The following EFNA5 variants were observed in gnomAD, a reference collection of about 807,000 sequenced individuals.
EFNA5 encodes the protein ephrin A5.
Under a neutral mutation model 22.9 loss-of-function variants are expected in EFNA5, and 5 were observed. The observed-to-expected ratio is 0.22, with a 90% CI of 0.11 to 0.46. The LOEUF (loss-of-function observed/expected upper bound fraction) is 0.46, where lower values mean the gene tolerates loss of function less well. EFNA5 is among the 20% of genes least tolerant of loss of function. EFNA5 has a pLI of 0.99. For synonymous variants in EFNA5, 113 were observed against 112.2 expected (o/e 1.01, Z -0.04); for missense variants, 237 against 293.3 (o/e 0.81, Z 1.40).
At chr5:107,486,930 G>A (rs1184002106) in intron 1 of EFNA5, among the ~76,000 whole-genome samples, 8 of 152,112 alleles carry the variant, frequency 5.3e-5, no homozygotes, top group Non-Finnish European at 1.0e-4. Context: ...TTCCCCCTTT[G>A]GCTGACCTGT....
chr5:107,484,561 T>C (rs1746531947), intron 1 of EFNA5, among the ~76,000 whole-genome samples: 3 of 152,188 alleles, frequency 2.0e-5, no homozygotes, highest in South Asian at 2.1e-4. Context: ...GTTTAAGATA[T>C]GTGAGCCAAT....
chr5:107,607,962 G>A (rs886341281), intron 1 of EFNA5, among the ~76,000 whole-genome samples: 1 of 152,018 alleles, frequency 6.6e-6, no homozygotes, highest in African/African-American at 2.4e-5. Context: ...GAGCCTGGTA[G>A]TCCAAGCGAT....
intron 1 of EFNA5, among the ~76,000 whole-genome samples, chr5:107,562,075 GA>G (rs1748559342): frequency 6.6e-6 from 1 of 152,146 alleles, no homozygotes; most frequent in South Asian, 2.1e-4. Flanking sequence ...TTCAACTGCT[GA>G]ATTCAACTAA....
At chr5:107,425,489 C>T (rs745355068) in intron 2 of EFNA5, among the ~76,000 whole-genome samples, 2 of 152,158 alleles carry the variant, frequency 1.3e-5, no homozygotes, top group Non-Finnish European at 2.9e-5. Context: ...TTCTCATATG[C>T]TGAATGAGAT....
intron 1 of EFNA5, among the ~76,000 whole-genome samples, chr5:107,595,864 C>T (rs1413384694): frequency 3.3e-5 from 5 of 152,056 alleles, no homozygotes; most frequent in African/African-American, 1.2e-4. Flanking sequence ...CATCTACATA[C>T]CCAATAAATG....
chr5:107,611,378 G>A (rs1360380202), intron 1 of EFNA5, among the ~76,000 whole-genome samples: 1 of 152,160 alleles, frequency 6.6e-6, no homozygotes, highest in East Asian at 1.9e-4. Context: ...TTTTTGCTAT[G>A]TAAAATCACA....
At chr5:107,606,538 AAC>A (rs58031827) in intron 1 of EFNA5, among the ~76,000 whole-genome samples, 34,419 of 143,842 alleles carry the variant, frequency 0.24, 4,257 homozygotes, top group Admixed American at 0.3. Flanking sequence ...TTGCACGTAC[AAC>A]ACACACACAC....
At chr5:107,642,525 A>G (rs116143331) in intron 1 of EFNA5, among the ~76,000 whole-genome samples, 1,937 of 152,128 alleles carry the variant, frequency 0.013, 45 homozygotes, top group African/African-American at 0.044. Flanking sequence ...CAACCCTCCA[A>G]AACAAGACTT....
At chr5:107,450,772 A>C (rs1431781486) in intron 1 of EFNA5, among the ~76,000 whole-genome samples, 1 of 152,248 alleles carries the variant, frequency 6.6e-6, no homozygotes, top group Non-Finnish European at 1.5e-5. Context: ...TGTTGAGGTC[A>C]GTCAGAAACC....
chr5:107,569,177 G>C (rs1001293881), intron 1 of EFNA5, among the ~76,000 whole-genome samples: 13 of 151,814 alleles, frequency 8.6e-5, no homozygotes, highest in South Asian at 2.1e-4. Flanking sequence ...TCTGTATTGG[G>C]GGTGAATGTT....
chr5:107,469,375 G>A (rs1387815196), intron 1 of EFNA5, among the ~76,000 whole-genome samples: 1 of 145,114 alleles, frequency 6.9e-6, no homozygotes, highest in Admixed American at 6.8e-5. Flanking sequence ...ATCTAATTTT[G>A]GTATTTCCTC....
At chr5:107,567,168 A>G (rs1440848904) in intron 1 of EFNA5, among the ~76,000 whole-genome samples, 1 of 152,212 alleles carries the variant, frequency 6.6e-6, no homozygotes, top group African/African-American at 2.4e-5. Flanking sequence ...CTTTAATAAA[A>G]AGCAGGACTC....
chr5:107,378,194 T>G lies in EFNA5; in HGVS notation c.*3061A>C, dbSNP rs1016072400. The G allele has an allele frequency of 6.6e-6, 1 of 151,840 alleles. No individual in the cohort carries two copies. Among genetic ancestry groups the G allele is most frequent in the Non-Finnish European group, 1.5e-5 (1 of 67,994 alleles). 9.4% of individuals were successfully genotyped at this position (151,840 alleles called of 1,614,324 possible). On this transcript the variant is annotated 3_prime_UTR_variant, in exon 5 of 5. Coordinates refer to ENST00000333274, the MANE Select transcript of EFNA5 (RefSeq NM_001962.3). ...TACAGAATTTAAAGAACGCAGTTTT[T>G]TTTTTTTTTTTAATGTTTTACTTTT...
At chr5:107,570,381 G>C (rs1748775906) in intron 1 of EFNA5, among the ~76,000 whole-genome samples, 1 of 152,186 alleles carries the variant, frequency 6.6e-6, no homozygotes, top group Non-Finnish European at 1.5e-5. Flanking sequence ...CCTTTATCAA[G>C]GGAACATGCT....
intron 1 of EFNA5, among the ~76,000 whole-genome samples, chr5:107,574,475 G>C (rs1748884559): frequency 6.6e-6 from 1 of 152,146 alleles, no homozygotes; most frequent in Non-Finnish European, 1.5e-5. Flanking sequence ...ATGTGACCTG[G>C]TGCCAACAAC....
chr5:107,636,018 G>C (rs1750366262), intron 1 of EFNA5, among the ~76,000 whole-genome samples: 1 of 152,040 alleles, frequency 6.6e-6, no homozygotes, highest in Admixed American at 6.5e-5. Context: ...AAATATTTTT[G>C]TTTAAATGAG....
At chr5:107,593,094 T>C (rs779945880) in intron 1 of EFNA5, among the ~76,000 whole-genome samples, 5 of 152,216 alleles carry the variant, frequency 3.3e-5, no homozygotes, top group South Asian at 2.1e-4. Flanking sequence ...GCAGTTCTTA[T>C]GTAACTGTTT....
intron 1 of EFNA5, among the ~76,000 whole-genome samples, chr5:107,607,324 G>A (rs1318320318): frequency 2.0e-5 from 3 of 152,044 alleles, no homozygotes; most frequent in Non-Finnish European, 2.9e-5. Context: ...TAAATAAAAC[G>A]GCGAGTAGGC....
chr5:107,453,437 A>C (rs556254887), intron 1 of EFNA5, among the ~76,000 whole-genome samples: 3 of 152,192 alleles, frequency 2.0e-5, no homozygotes, highest in African/African-American at 7.2e-5. Context: ...ATAGCTTAAA[A>C]TATGCTGAGC....
Sources: allele counts gnomAD v4.1 joint callset (sites outside exome capture counted in the v4.1 genomes callset), GRCh38; gene constraint gnomAD v4.1.1; transcripts MANE v1.5; gene names NCBI Gene and HGNC (gene_info 2026-07-23, HGNC 2026-07-21).